The following DCHS2 variants were observed in gnomAD, a reference collection of about 807,000 sequenced individuals.
The protein encoded by DCHS2 is protocadherin-23.
In DCHS2, 142 loss-of-function variants were observed where a neutral mutation model predicts 182.4. The observed-to-expected ratio is 0.78, with a 90% CI of 0.68 to 0.89. DCHS2 has a LOEUF of 0.89. Ranked by LOEUF, DCHS2 falls within the 40% of genes least tolerant of loss-of-function variation. DCHS2 has a pLI of 0.00. For missense variants in DCHS2, 4,319 were observed against 4,198.6 expected, an observed-to-expected ratio of 1.03 and a Z score of -0.79; for synonymous variants, 1,740 against 1,663.3, an observed-to-expected ratio of 1.05 and a Z score of -1.12.
intron 11 of DCHS2, 70 bp from the exon 12 acceptor site, chr4:154,304,948 A>G (rs998241134): frequency 1.5e-5 from 23 of 1,521,614 alleles, no homozygotes; most frequent in Non-Finnish European, 1.8e-5. Context: ...TGTTCTAACT[A>G]GACAATGTCA....
chr4:154,374,232 T>A, intron 2 of DCHS2: 1 of 398,662 alleles, frequency 2.5e-6, no homozygotes, highest in Non-Finnish European at 4.5e-6. Context: ...GTGTCCTGCA[T>A]CTGGCCACCA....
chr4:154,236,197 A>G lies in DCHS2; in HGVS notation c.8455T>C (p.Ser2819Pro), dbSNP rs1241575572. 5 of 1,613,842 alleles carry G rather than the reference A, an allele frequency of 3.1e-6. No individual in the cohort carries two copies. Among genetic ancestry groups the G allele is most frequent in the African/African-American group, 2.7e-5 (2 of 74,926 alleles). Residue 2819 changes from serine (S) to proline (P), a missense_variant, in exon 20 of 20, where the codon TCT (serine) becomes CCT (proline). By Grantham distance (74) the Ser-to-Pro change is moderately conservative. Coordinates refer to ENST00000357232, the MANE Select transcript of DCHS2 (RefSeq NM_001358235.2). ...VSPCFLTHGM[S>P]YDHDLFLIDP... ...ATGAGGAAGAGATCATGATCATAAG[A>G]CATTCCATGAGTGAGAAAACAGGGT... is the stretch of plus-strand genomic sequence containing the variant.
intron 1 of DCHS2, among the ~76,000 whole-genome samples, chr4:154,397,424 C>T (rs1371421607): frequency 2.0e-5 from 3 of 152,096 alleles, no homozygotes; most frequent in Admixed American, 6.6e-5. Context: ...CATTTGTATA[C>T]CTGAAATTGA....
At position 154,235,563 on chromosome 4, in the gene DCHS2, TC is replaced by T; in HGVS notation, c.9088del (p.Glu3030ArgfsTer7). 1.9e-6 allele frequency: 3 copies of T among 1,614,060 alleles called. No individual in the cohort carries two copies. Among genetic ancestry groups the T allele is most frequent in the Non-Finnish European group, 2.5e-6 (3 of 1,179,962 alleles). On this transcript the variant is annotated frameshift_variant, in exon 20 of 20. Transcript: ENST00000357232. LOFTEE classifies it low-confidence loss of function (END_TRUNC). The stretch of plus-strand genomic sequence containing the variant: ...CGCATCTAAAGATGAGGTTTTCTTC[TC>T]CTCATAATTGTTTATTGTGTCTTTT... ...KQKDTINNYE[E>X]KKTSSLDADL...
intron 13 of DCHS2, among the ~76,000 whole-genome samples, chr4:154,293,101 A>G (rs1734738387): frequency 6.6e-6 from 1 of 152,136 alleles, no homozygotes; most frequent in Admixed American, 6.5e-5. Flanking sequence ...TTGGCTGCAC[A>G]TTGGAATCGC....
intron 2 of DCHS2, among the ~76,000 whole-genome samples, chr4:154,372,001 C>T (rs4696554): frequency 0.84 from 127,194 of 152,096 alleles, 53,314 homozygotes; most frequent in South Asian, 0.92. Flanking sequence ...TTGATTTAAA[C>T]TAAGGGATGA....
chr4:154,318,947 A>C (rs1735954733), intron 9 of DCHS2, among the ~76,000 whole-genome samples: 1 of 152,160 alleles, frequency 6.6e-6, no homozygotes, highest in Non-Finnish European at 1.5e-5. Flanking sequence ...GCTTTGATAT[A>C]TTACAAAGCT....
intron 1 of DCHS2, among the ~76,000 whole-genome samples, chr4:154,431,623 A>G (rs1160943014): frequency 6.6e-6 from 1 of 152,220 alleles, no homozygotes; most frequent in Non-Finnish European, 1.5e-5. Context: ...AGATAATAAC[A>G]TCAGTCCCAG....
chr4:154,376,687 A>G (rs769929140), intron 2 of DCHS2, among the ~76,000 whole-genome samples: 11 of 152,230 alleles, frequency 7.2e-5, no homozygotes, highest in Non-Finnish European at 1.3e-4. Context: ...CATCACCTAA[A>G]TGAATCTGAA....
At chr4:154,420,399 C>G (rs1733062615) in intron 1 of DCHS2, among the ~76,000 whole-genome samples, 1 of 152,140 alleles carries the variant, frequency 6.6e-6, no homozygotes, top group African/African-American at 2.4e-5. Flanking sequence ...CCACAATGTG[C>G]TATCTGCAAG....
chr4:154,455,347 T>G (rs1734718359), intron 1 of DCHS2, among the ~76,000 whole-genome samples: 1 of 152,222 alleles, frequency 6.6e-6, no homozygotes, highest in African/African-American at 2.4e-5. Flanking sequence ...TCATGAATTG[T>G]CAAGGGAAAT....
At chr4:154,388,867 A>T (rs1731541741) in intron 1 of DCHS2, among the ~76,000 whole-genome samples, 1 of 152,212 alleles carries the variant, frequency 6.6e-6, no homozygotes, top group South Asian at 2.1e-4. Context: ...TCCTAAAAAA[A>T]AATTGTATTT....
At chr4:154,459,734 TTCTCTCTCTCTCTCTCTCTCTCTC>T (rs60259256) in intron 1 of DCHS2, among the ~76,000 whole-genome samples, 10 of 135,354 alleles carry the variant, frequency 7.4e-5, no homozygotes, top group East Asian at 2.1e-4. Flanking sequence ...TATCTACACA[TTCTCTCTCTCTCTCTCTCTCTCTC>T]TCTCTCTCTC....
intron 14 of DCHS2, among the ~76,000 whole-genome samples, chr4:154,267,275 A>G (rs1421727670): frequency 6.6e-6 from 1 of 152,224 alleles, no homozygotes; most frequent in Non-Finnish European, 1.5e-5. Context: ...TGTGACCTTG[A>G]TAAACCAAAT....
rs1033575068 is a variant in DCHS2 at position 154,435,938 on chromosome 4, C to T, written c.2052+53366G>A. 5.3e-5 allele frequency among the ~76,000 whole-genome samples: 8 copies of T among 152,302 alleles called. No individual in the cohort carries two copies. In the East Asian group the frequency reaches 1.5e-3, roughly 29 times the overall value. On this transcript the variant is annotated intron_variant, in intron 1 of 19. Coordinates refer to ENST00000357232, the MANE Select transcript of DCHS2 (RefSeq NM_001358235.2). ...CAAGGCAGAGTGGAAAGTAGGATAG[C>T]TAAGTGTTGAAGGCATACAATATAA...
At chr4:154,398,930 A>G (rs1339399027) in intron 1 of DCHS2, among the ~76,000 whole-genome samples, 1 of 152,202 alleles carries the variant, frequency 6.6e-6, no homozygotes, top group African/African-American at 2.4e-5. Context: ...TTTCTTTGAC[A>G]TGCTCAAATT....
At chr4:154,407,543 G>C (rs1732453071) in intron 1 of DCHS2, among the ~76,000 whole-genome samples, 3 of 152,104 alleles carry the variant, frequency 2.0e-5, no homozygotes, top group African/African-American at 7.2e-5. Context: ...CTAAATCCCA[G>C]GACTGCTCTG....
At chr4:154,298,818 G>T (rs147050708) in intron 12 of DCHS2, 110 bp from the exon 13 acceptor site, 2 of 1,385,628 alleles carry the variant, frequency 1.4e-6, no homozygotes, top group Non-Finnish European at 9.5e-7. Context: ...ATTTATTCCC[G>T]ATTATATTGT....
chr4:154,467,242 C>T (rs903885776), intron 1 of DCHS2, among the ~76,000 whole-genome samples: 3 of 152,246 alleles, frequency 2.0e-5, no homozygotes, highest in Admixed American at 2.0e-4. Flanking sequence ...GCTTAATATA[C>T]AATACACCTG....
Sources: allele counts gnomAD v4.1 joint callset (sites outside exome capture counted in the v4.1 genomes callset), GRCh38; gene constraint gnomAD v4.1.1; transcripts MANE v1.5; gene names NCBI Gene and HGNC (gene_info 2026-07-23, HGNC 2026-07-21).